Variants in DENND4B observed in about 807,000 individuals in gnomAD.
DENND4B encodes the protein DENN domain-containing protein 4B.
Under a neutral mutation model 161.0 loss-of-function variants are expected in DENND4B, and 67 were observed. The ratio of observed to expected loss-of-function variants is 0.42; its 90% CI spans 0.34 to 0.51. DENND4B has a LOEUF of 0.51. DENND4B is among the 20% of genes least tolerant of loss of function. The pLI, the probability that DENND4B is intolerant of heterozygous loss-of-function variation, is 0.08. For synonymous variants in DENND4B, 753 were observed against 813.8 expected, an observed-to-expected ratio of 0.93 and a Z score of 1.27; for missense variants, 1,481 against 1,968.0, an observed-to-expected ratio of 0.75 and a Z score of 4.68.
rs367833186 is a variant in DENND4B at position 153,933,003 on chromosome 1, G to A, written c.3481C>T (p.Arg1161Cys). Residue 1161 changes from arginine (R) to cysteine (C), a missense_variant, in exon 22 of 28, where the codon CGT (arginine) becomes TGT (cysteine). Arg to Cys is a radical substitution (Grantham distance 180). Coordinates refer to ENST00000361217, the MANE Select transcript of DENND4B (RefSeq NM_014856.3). The surrounding 1 kb of genome is among the most constrained non-coding windows in gnomAD (Gnocchi z 5.7). ...TCATACACCAGCGAATCACAGGCAC[G>A]GCACAGGGAGCAGCTGGACAGCAGA... ...EILLSSCSLC[R>C]ACDSLVYDEE... 1.2e-6 allele frequency: 2 copies of A among 1,613,810 alleles called. No homozygotes were observed. Among genetic ancestry groups the A allele is most frequent in the Non-Finnish European group, 1.7e-6 (2 of 1,179,884 alleles).
In DENND4B at chr1:153,944,358, G is replaced by A; in HGVS notation, c.17C>T (p.Pro6Leu). The change falls in exon 2 of 28, where the codon CCC (proline) becomes CTC (leucine). Residue 6 changes from proline (P) to leucine (L), a missense_variant. Pro to Leu is a moderately conservative substitution (Grantham distance 98, BLOSUM62 -3). This residue lies in a region of DENND4B where 806 missense variants were observed against 1,134.4 expected (regional missense o/e 0.71). Transcript: ENST00000361217. The surrounding 1 kb of genome is among the most constrained non-coding windows in gnomAD (Gnocchi z 4.8). Reference sequence around the variant, plus strand: ...CACGAAGTAATCCACCAGCCGGGGGGGCCGCTCCTCCGCCATGGCCCCCCC... The same window carrying A: ...CACGAAGTAATCCACCAGCCGGGGGAGCCGCTCCTCCGCCATGGCCCCCCC... MAEER[P>L]PRLVDYFVVA... 1 of 1,607,080 alleles carries A rather than the reference G, an allele frequency of 6.2e-7. No homozygotes were observed. The highest frequency in any genetic ancestry group is 2.2e-5 in the East Asian group (1 of 44,508).
chr1:153,944,562 C>G lies in DENND4B; in HGVS notation c.-23-165G>C, dbSNP rs1276511261. The stretch of plus-strand genomic sequence containing the variant: ...CCCCCTGTGACATCACTGCCCACCA[C>G]AGCTTCTTAAAGAGACCAGATCCCT... On this transcript the variant is annotated intron_variant, in intron 1 of 27. Transcript: ENST00000361217. The surrounding 1 kb of genome is among the most constrained non-coding windows in gnomAD (Gnocchi z 4.8). Among the ~76,000 whole-genome samples, 2 of 152,224 alleles carry G rather than the reference C, an allele frequency of 1.3e-5. No homozygotes were observed. Among genetic ancestry groups the G allele is most frequent in the Non-Finnish European group, 2.9e-5 (2 of 68,032 alleles).
Position 153,940,853 on chromosome 1 carries a change from C to G in DENND4B, c.1326+51G>C. On this transcript the variant is annotated intron_variant, in intron 9 of 27. Coordinates refer to ENST00000361217, the MANE Select transcript of DENND4B (RefSeq NM_014856.3). This position sits in a 1 kb window ranked among gnomAD's most constrained non-coding sequence, Gnocchi z 5.6. ...AGAGTCCAGGCAGGGATAGGGGCACCAGAAAGAACCATGGTTCTGGGGAAG... is the reference window on the plus strand; with the variant it reads ...AGAGTCCAGGCAGGGATAGGGGCACGAGAAAGAACCATGGTTCTGGGGAAG... The G allele has an allele frequency of 1.3e-6, 2 of 1,527,840 alleles. No individual in the cohort carries two copies. The highest frequency in any genetic ancestry group is 8.8e-7 in the Non-Finnish European group (1 of 1,141,282). The allele number at this position is 1,527,840 out of a possible 1,614,324, so 94.6% of individuals were successfully genotyped here.
At chr1:153,945,115 C>T (rs1163246972) in intron 1 of DENND4B, 1 of 1,289,408 alleles carries the variant, frequency 7.8e-7, no homozygotes, top group Admixed American at 2.3e-5. Context: ...GAAACAGGCC[C>T]ACAACAGCCT....
At position 153,944,275 on chromosome 1, in the gene DENND4B, G is replaced by A; in HGVS notation, c.100C>T (p.Pro34Ser). Residue 34 changes from proline (P) to serine (S), a missense_variant, in exon 2 of 28, where the codon CCC (proline) becomes TCC (serine). Pro to Ser is a moderately conservative substitution (Grantham distance 74). Around this residue, in one of 3 missense-constraint regions of DENND4B, gnomAD observed 806 missense variants for 1,134.4 expected, o/e 0.71. Transcript: ENST00000361217. The surrounding 1 kb of genome is among the most constrained non-coding windows in gnomAD (Gnocchi z 4.8). ...CGGGGAGGGCGCAGGGGCCCACTGG[G>A]TTCAGGAACCCACGTTTCCTCAGGG... ...PIPEETWVPE[P>S]SGPLRPPRPA... 1.2e-6 allele frequency: 2 copies of A among 1,603,006 alleles called. No homozygotes were observed. The highest frequency in any genetic ancestry group is 8.5e-7 in the Non-Finnish European group (1 of 1,173,802).
chr1:153,939,121 C>T (rs1679525420), intron 12 of DENND4B, 76 bp from the exon 13 acceptor site: 4 of 1,533,484 alleles, frequency 2.6e-6, no homozygotes, highest in Non-Finnish European at 3.5e-6. Context: ...TTTTGAATCT[C>T]TTCTTGGCTC....
chr1:153,938,944 C>A lies in DENND4B; in HGVS notation c.1921G>T (p.Ala641Ser). The A allele has an allele frequency of 6.2e-7, 1 of 1,606,052 alleles. No individual in the cohort carries two copies. Among genetic ancestry groups the A allele is most frequent in the South Asian group, 1.1e-5 (1 of 89,354 alleles). Reference protein sequence around the residue: ...QFIEECSFGSARHAALEFFDS... With the variant: ...QFIEECSFGSSRHAALEFFDS... ...AAGAATTCAAGGGCAGCATGGCGAG[C>A]AGAGCCAAAAGAGCACTCCTCAATG... The change falls in exon 13 of 28, where the codon GCT becomes TCT. Residue 641 changes from alanine to serine, a missense_variant. By Grantham distance (99) the Ala-to-Ser change is moderately conservative. This residue lies in a region of DENND4B where 806 missense variants were observed against 1,134.4 expected (regional missense o/e 0.71). Coordinates refer to ENST00000361217, the MANE Select transcript of DENND4B (RefSeq NM_014856.3).
chr1:153,938,082 C>T (rs1421089520), intron 13 of DENND4B, among the ~76,000 whole-genome samples: 1 of 152,180 alleles, frequency 6.6e-6, no homozygotes, highest in East Asian at 1.9e-4. Context: ...AAGTGCCATC[C>T]CAGTCACAGT....
chr1:153,934,780 T>C lies in DENND4B; in HGVS notation c.2753A>G (p.Glu918Gly). 4 of 1,612,546 alleles carry C rather than the reference T, an allele frequency of 2.5e-6. No homozygotes were observed. The highest frequency in any genetic ancestry group is 3.4e-6 in the Non-Finnish European group (4 of 1,179,714). The change falls in exon 18 of 28, where the codon GAG (glutamate) becomes GGG (glycine). Residue 918 changes from glutamate (E) to glycine (G), a missense_variant. Physicochemically the swap from Glu to Gly is moderately conservative, Grantham distance 98 (BLOSUM62 -2). Coordinates refer to ENST00000361217, the MANE Select transcript of DENND4B (RefSeq NM_014856.3). This position sits in a 1 kb window ranked among gnomAD's most constrained non-coding sequence, Gnocchi z 5.3. ...CCCACCTGCCTGGGAGCTGCCTGCC[T>C]CTTGATGTGCTGACACCTGCTCCTG... ...QQQEQVSAHQ[E>G]AGSSQAEPYL... is the part of the protein sequence containing the mutation.
chr1:153,943,252 T>G, intron 2 of DENND4B, 122 bp from the exon 3 acceptor site: 1 of 1,355,640 alleles, frequency 7.4e-7, no homozygotes, highest in Non-Finnish European at 1.0e-6. Context: ...TGTCAAACTC[T>G]AACACTAGGG....
chr1:153,943,025 G>T lies in DENND4B; in HGVS notation c.423C>A (p.Pro141=). 6.2e-7 allele frequency: 1 copy of T among 1,614,044 alleles called. No individual in the cohort carries two copies. The highest frequency in any genetic ancestry group is 8.5e-7 in the Non-Finnish European group (1 of 1,179,896). The change falls in exon 3 of 28, where the codon CCC becomes CCA. Residue 141 remains proline, a synonymous_variant. Coordinates refer to ENST00000361217, the MANE Select transcript of DENND4B (RefSeq NM_014856.3). ...CCCGCCGGTAAGTGAGGTAGGTGCG[G>T]GGGTGCCCGGGGCCTGGAGGGGCCA... ...ANLAPPGPGH[P]RTYLTYRRAA... is the part of the protein sequence containing the mutation.
intron 17 of DENND4B, among the ~76,000 whole-genome samples, chr1:153,935,528 A>G (rs1435786535): frequency 1.3e-5 from 2 of 152,106 alleles, no homozygotes; most frequent in African/African-American, 4.8e-5. Context: ...TGTATTTTTA[A>G]TAGAGACAGG....
rs1022542478 is a variant in DENND4B, at chr1:153,933,088, C to T, written c.3454-58G>A. 6.2e-7 allele frequency: 1 copy of T among 1,610,384 alleles called. No individual in the cohort carries two copies. On this transcript the variant is annotated intron_variant, in intron 21 of 27. Transcript: ENST00000361217. The surrounding 1 kb of genome is among the most constrained non-coding windows in gnomAD (Gnocchi z 5.7). The stretch of plus-strand genomic sequence containing the variant: ...GTCTGGCCGCCAGCACTCTGGAGCC[C>T]ATGCCCCTTCCCCAGCCCCTCCCAC...
chr1:153,944,150 G>A lies in DENND4B; in HGVS notation c.225C>T (p.His75=), dbSNP rs750716456. 1.9e-6 allele frequency: 3 copies of A among 1,613,132 alleles called. No homozygotes were observed. Among genetic ancestry groups the A allele is most frequent in the South Asian group, 1.1e-5 (1 of 90,962 alleles). The change falls in exon 2 of 28, where the codon CAC becomes CAT. Residue 75 remains histidine, a synonymous_variant. Transcript: ENST00000361217. This position sits in a 1 kb window ranked among gnomAD's most constrained non-coding sequence, Gnocchi z 4.8. ...YTCIQASAGG[H]PLELSAGLLG... ...GAAGTCCAGCACTGAGTTCCAAGGG[G>A]TGGCCCCCAGCAGAAGCCTGGATGC...
rs1679576910 is a variant in DENND4B at position 153,940,034 on chromosome 1, C to T, written c.1603+122G>A. On this transcript the variant is annotated intron_variant, in intron 11 of 27. Coordinates refer to ENST00000361217, the MANE Select transcript of DENND4B (RefSeq NM_014856.3). This position sits in a 1 kb window ranked among gnomAD's most constrained non-coding sequence, Gnocchi z 5.6. ...GAATTGGAATCTCCCTCAGTTCCAC[C>T]AAATGCAATCCTAACTTCACTCACC... 2.1e-6 allele frequency: 2 copies of T among 943,478 alleles called. No individual in the cohort carries two copies. Among genetic ancestry groups the T allele is most frequent in the African/African-American group, 1.7e-5 (1 of 60,084 alleles). 58.4% of individuals were successfully genotyped at this position (943,478 alleles called of 1,614,324 possible). A position where few individuals can be genotyped will look rare whatever the true frequency, so the allele number is the denominator to read the frequency against.
rs779653494 is a variant in DENND4B at position 153,937,660 on chromosome 1, G to T, written c.2106-46C>A. 2 of 1,612,722 alleles carry T rather than the reference G, an allele frequency of 1.2e-6. No individual in the cohort carries two copies. The highest frequency in any genetic ancestry group is 3.3e-5 in the Admixed American group (2 of 60,004). On this transcript the variant is annotated intron_variant, in intron 14 of 27. Coordinates refer to ENST00000361217, the MANE Select transcript of DENND4B (RefSeq NM_014856.3). This position sits in a 1 kb window ranked among gnomAD's most constrained non-coding sequence, Gnocchi z 4.7. ...AACATCGGGGCAGTCAGCACAGGGC[G>T]AAGCGAGTTGGACTGGACCAGTCTA...
At position 153,932,927 on chromosome 1, in the gene DENND4B, G is replaced by T. The variant is rs749739721; in HGVS notation, c.3557C>A (p.Thr1186Asn). 4 of 1,613,914 alleles carry T rather than the reference G, an allele frequency of 2.5e-6. No individual in the cohort carries two copies. The highest frequency in any genetic ancestry group is 1.1e-5 in the South Asian group (1 of 91,094). The change falls in exon 22 of 28, where the codon ACC (threonine) becomes AAC (asparagine). Residue 1186 changes from threonine (T) to asparagine (N), a missense_variant. Transcript: ENST00000361217. The surrounding 1 kb of genome is among the most constrained non-coding windows in gnomAD (Gnocchi z 5.8). ...AAAGGGGCAGGCGCAGAAGGGGCAG[G>T]TTGTGTTGAGGTTAGAGTCATCAGG... ...WAPDDSNLNT[T>N]CPFCACPFVP...
chr1:153,935,054 CCCTTCCCCTGCAGACAT>C (rs1220709702), intron 17 of DENND4B, 90 bp from the exon 18 acceptor site: 20 of 1,557,608 alleles, frequency 1.3e-5, no homozygotes, highest in Non-Finnish European at 1.7e-5. Flanking sequence ...CCAGGGACCG[CCCTTCCCCTGCAGACAT>C]CCTGTCTAGG....
rs889640494 is a variant in DENND4B at position 153,937,739 on chromosome 1, G to A, written c.2090C>T (p.Ser697Phe). The A allele has an allele frequency of 6.2e-7, 1 of 1,614,030 alleles. No homozygotes were observed. Among genetic ancestry groups the A allele is most frequent in the South Asian group, 1.1e-5 (1 of 91,082 alleles). The change falls in exon 14 of 28, where the codon TCC becomes TTC. Residue 697 changes from serine (S) to phenylalanine (F), a missense_variant. This residue lies in a region of DENND4B where 806 missense variants were observed against 1,134.4 expected (regional missense o/e 0.71). Transcript: ENST00000361217. The surrounding 1 kb of genome is among the most constrained non-coding windows in gnomAD (Gnocchi z 4.7). ...EEPALPEGSE[S>F]TPQYCYDGFP... is the part of the protein sequence containing the mutation. Reference sequence around the variant, plus strand: ...AGACTCTCACCAGTACTGGGGAGTGGATTCACTGCCCTCTGGTAAGGCAGG... The same window carrying A: ...AGACTCTCACCAGTACTGGGGAGTGAATTCACTGCCCTCTGGTAAGGCAGG...
Sources: allele counts gnomAD v4.1 joint callset (sites outside exome capture counted in the v4.1 genomes callset), GRCh38; gene constraint gnomAD v4.1.1; regional missense constraint gnomAD v4.1.1; non-coding constraint Gnocchi (gnomAD v3.1); transcripts MANE v1.5; gene names NCBI Gene and HGNC (gene_info 2026-07-23, HGNC 2026-07-21).